Variants in MRTFA observed in about 807,000 individuals in gnomAD.
MRTFA encodes myocardin related transcription factor A.
MRTFA carries 20 observed loss-of-function variants against 83.5 expected under a neutral mutation model. That is an observed-to-expected ratio of 0.24 (90% CI 0.17 to 0.35). The LOEUF (loss-of-function observed/expected upper bound fraction) is 0.35. Ranked by LOEUF, MRTFA falls within the 10% of genes least tolerant of loss-of-function variation. MRTFA has a pLI of 1.00. For missense variants in MRTFA, 1,200 were observed against 1,224.7 expected (o/e 0.98, Z 0.30); for synonymous variants, 659 against 541.2 (o/e 1.22, Z -3.02).
At chr22:40,621,156 TG>T (rs1444205758) in intron 1 of MRTFA, among the ~76,000 whole-genome samples, 1 of 148,472 alleles carries the variant, frequency 6.7e-6, no homozygotes, top group Non-Finnish European at 1.5e-5. Flanking sequence ...CACTCCAGCC[TG>T]GGTGACAGAG....
intron 4 of MRTFA, among the ~76,000 whole-genome samples, chr22:40,450,829 C>A (rs2053473426): frequency 6.6e-6 from 1 of 152,116 alleles, no homozygotes; most frequent in African/African-American, 2.4e-5. Context: ...CACAAAAATT[C>A]CAATGTGGAC....
At chr22:40,592,675 T>C (rs546642847) in intron 2 of MRTFA, among the ~76,000 whole-genome samples, 1 of 152,092 alleles carries the variant, frequency 6.6e-6, no homozygotes, top group South Asian at 2.1e-4. Flanking sequence ...GTGTTTTTTG[T>C]AGAGACAGGA....
intron 2 of MRTFA, among the ~76,000 whole-genome samples, chr22:40,572,709 G>A (rs1275193479): frequency 6.6e-6 from 1 of 152,162 alleles, no homozygotes; most frequent in African/African-American, 2.4e-5. Flanking sequence ...CACAGCAGAA[G>A]GCAACGAGAA....
At chr22:40,516,311 T>C (rs2054757081) in intron 3 of MRTFA, among the ~76,000 whole-genome samples, 1 of 151,098 alleles carries the variant, frequency 6.6e-6, no homozygotes, top group South Asian at 2.1e-4. Context: ...TCGCAGCTAC[T>C]TGGGAGGCTG....
intron 14 of MRTFA, among the ~76,000 whole-genome samples, chr22:40,414,099 G>A (rs2052623739): frequency 6.6e-6 from 1 of 152,190 alleles, no homozygotes; most frequent in South Asian, 2.1e-4. Flanking sequence ...ATCACTTTGG[G>A]AGGCCGAGGC....
intron 2 of MRTFA, among the ~76,000 whole-genome samples, chr22:40,571,418 C>T (rs1384152458): frequency 6.6e-6 from 1 of 151,986 alleles, no homozygotes; most frequent in African/African-American, 2.4e-5. Flanking sequence ...ACTAGATAAA[C>T]AGGAGGTCCA....
intron 3 of MRTFA, among the ~76,000 whole-genome samples, chr22:40,528,800 C>T (rs143353023): frequency 2.0e-5 from 3 of 151,350 alleles, no homozygotes; most frequent in African/African-American, 7.3e-5. Flanking sequence ...AGCAAGCTTG[C>T]CCATCCTGCA....
intron 4 of MRTFA, among the ~76,000 whole-genome samples, chr22:40,446,775 A>G (rs1204717254): frequency 6.6e-6 from 1 of 152,226 alleles, no homozygotes; most frequent in Non-Finnish European, 1.5e-5. Flanking sequence ...AAGTGGAGTC[A>G]GAGGTATGTG....
intron 3 of MRTFA, among the ~76,000 whole-genome samples, chr22:40,514,263 CATAATTAA>C (rs1204818395): frequency 6.6e-6 from 1 of 151,478 alleles, no homozygotes; most frequent in Admixed American, 6.6e-5. Flanking sequence ...CAAATAAATA[CATAATTAA>C]ATAAATAAAT....
intron 1 of MRTFA, among the ~76,000 whole-genome samples, chr22:40,620,951 G>C (rs1411450703): frequency 6.6e-6 from 1 of 152,146 alleles, no homozygotes; most frequent in Non-Finnish European, 1.5e-5. Flanking sequence ...AGAGGCCAAA[G>C]CAGGAGGATA....
At chr22:40,597,705 CTG>C (rs1321699966) in intron 1 of MRTFA, among the ~76,000 whole-genome samples, 8 of 152,226 alleles carry the variant, frequency 5.3e-5, no homozygotes, top group Admixed American at 4.6e-4. Flanking sequence ...TCTCCTGACT[CTG>C]TGCCTGGCAC....
At chr22:40,472,401 T>TA (rs2147169612) in intron 3 of MRTFA, among the ~76,000 whole-genome samples, 1 of 152,356 alleles carries the variant, frequency 6.6e-6, no homozygotes, top group African/African-American at 2.4e-5. Flanking sequence ...ATCCACCTAA[T>TA]AAGCAGTAAG....
At chr22:40,507,940 G>C (rs940269831) in intron 3 of MRTFA, among the ~76,000 whole-genome samples, 2 of 124,306 alleles carry the variant, frequency 1.6e-5, no homozygotes, top group African/African-American at 3.1e-5. Context: ...TCCAGCCTGG[G>C]AAACAGAGCA....
intron 2 of MRTFA, among the ~76,000 whole-genome samples, chr22:40,565,938 C>T (rs2055697009): frequency 6.6e-6 from 1 of 152,126 alleles, no homozygotes; most frequent in Non-Finnish European, 1.5e-5. Context: ...TAATTTTTTA[C>T]AGTTGAGGAA....
intron 3 of MRTFA, among the ~76,000 whole-genome samples, chr22:40,524,020 A>G (rs1338949927): frequency 6.6e-6 from 1 of 152,244 alleles, no homozygotes; most frequent in African/African-American, 2.4e-5. Context: ...AGCATCATGA[A>G]TTGTTAAGGA....
At chr22:40,475,761 A>G (rs1050589503) in intron 3 of MRTFA, among the ~76,000 whole-genome samples, 1 of 152,252 alleles carries the variant, frequency 6.6e-6, no homozygotes, top group Non-Finnish European at 1.5e-5. Context: ...AGTTATCATA[A>G]GAGCAGAAAG....
At chr22:40,578,007 G>A (rs901048895) in intron 2 of MRTFA, among the ~76,000 whole-genome samples, 1 of 149,902 alleles carries the variant, frequency 6.7e-6, no homozygotes, top group Admixed American at 6.7e-5. Flanking sequence ...AGGCTGCAGT[G>A]CAGTGGTGCA....
intron 1 of MRTFA, among the ~76,000 whole-genome samples, chr22:40,633,645 T>A (rs915839979): frequency 6.6e-6 from 1 of 152,134 alleles, no homozygotes; most frequent in Non-Finnish European, 1.5e-5. Context: ...TTAGGAAATA[T>A]CACCAAATTT....
intron 3 of MRTFA, among the ~76,000 whole-genome samples, chr22:40,509,461 T>C (rs1236024353): frequency 6.6e-6 from 1 of 152,228 alleles, no homozygotes; most frequent in African/African-American, 2.4e-5. Context: ...ATTCTCCCCA[T>C]AGCCGAAAGA....
Sources: gnomAD v4.1 joint callset for allele counts (sites outside exome capture counted in the v4.1 genomes callset) on GRCh38, gnomAD v4.1.1 for gene constraint, MANE v1.5 for transcripts, NCBI Gene and HGNC (gene_info 2026-07-23, HGNC 2026-07-21) for gene names.